The following ESRRG variants were observed in gnomAD, a reference collection of about 807,000 sequenced individuals.
ESRRG encodes estrogen-related receptor gamma.
A neutral mutation model predicts 44.0 loss-of-function variants in ESRRG; 13 were observed. That is an observed-to-expected ratio of 0.30 (90% CI 0.19 to 0.47). The LOEUF (loss-of-function observed/expected upper bound fraction) is 0.47, where lower values mean the gene tolerates loss of function less well. ESRRG is among the 20% of genes least tolerant of loss of function. The probability of loss-of-function intolerance (pLI) is 1.00; values close to 1 mark genes in which losing one functional copy is unlikely to be tolerated. For synonymous variants in ESRRG, 215 were observed against 214.6 expected, an observed-to-expected ratio of 1.00 and a Z score of -0.02; for missense variants, 395 against 580.6, an observed-to-expected ratio of 0.68 and a Z score of 3.29.
chr1:216,908,292 C>T (rs1370731824), intron 2 of ESRRG, among the ~76,000 whole-genome samples: 1 of 152,166 alleles, frequency 6.6e-6, no homozygotes, highest in Non-Finnish European at 1.5e-5. Flanking sequence ...CAGCACTCTG[C>T]ATGGACTTTG....
chr1:217,064,188 AGGTATATATTGTATG>A (rs2089192876), intron 1 of ESRRG, among the ~76,000 whole-genome samples: 1 of 102,978 alleles, frequency 9.7e-6, no homozygotes, highest in Admixed American at 9.3e-5. Flanking sequence ...GTATGTATAT[AGGTATATATTGTATG>A]TGTATATATG....
chr1:216,802,426 A>T (rs1290181643), intron 2 of ESRRG, among the ~76,000 whole-genome samples: 1 of 152,158 alleles, frequency 6.6e-6, no homozygotes, highest in Non-Finnish European at 1.5e-5. Flanking sequence ...GCTAGCTTAA[A>T]ATATCCAATA....
At chr1:217,126,743 T>A (rs1389772091) in intron 1 of ESRRG, among the ~76,000 whole-genome samples, 1 of 152,138 alleles carries the variant, frequency 6.6e-6, no homozygotes, top group African/African-American at 2.4e-5. Flanking sequence ...GTTAAAAAAT[T>A]AGAGTGCATT....
intron 2 of ESRRG, among the ~76,000 whole-genome samples, chr1:216,877,274 T>C (rs540257826): frequency 6.3e-4 from 96 of 152,270 alleles, no homozygotes; most frequent in African/African-American, 2.3e-3. Context: ...ACTCATCTCA[T>C]GTTATATATT....
intron 2 of ESRRG, among the ~76,000 whole-genome samples, chr1:216,883,144 G>A (rs574804124): frequency 3.9e-5 from 6 of 152,172 alleles, no homozygotes; most frequent in South Asian, 4.2e-4. Context: ...TTGGGAGGCC[G>A]AGGCAGGCGT....
At chr1:217,042,473 A>AAC (rs140559927) in intron 1 of ESRRG, among the ~76,000 whole-genome samples, 6,618 of 138,804 alleles carry the variant, frequency 0.048, 216 homozygotes, top group Middle Eastern at 0.094. Context: ...TACACACACA[A>AAC]ACACACACAC....
intron 6 of ESRRG, among the ~76,000 whole-genome samples, chr1:216,508,353 A>G (rs2148726720): frequency 6.6e-6 from 1 of 152,286 alleles, no homozygotes; most frequent in African/African-American, 2.4e-5. Flanking sequence ...CCACCATATC[A>G]CTGGTGAACT....
At chr1:216,840,758 A>G (rs1447938961) in intron 2 of ESRRG, among the ~76,000 whole-genome samples, 2 of 152,140 alleles carry the variant, frequency 1.3e-5, no homozygotes, top group African/African-American at 4.8e-5. Context: ...AGAGGAAGAG[A>G]GACGTGGAAA....
chr1:217,086,937 C>T (rs886849732), intron 1 of ESRRG, among the ~76,000 whole-genome samples: 5 of 151,690 alleles, frequency 3.3e-5, no homozygotes, highest in African/African-American at 1.2e-4. Context: ...TTTTAAAAGA[C>T]TAAAGCTACT....
chr1:216,926,855 GGAATGCT>G lies in ESRRG; in HGVS notation c.-14+12720_-14+12726del, dbSNP rs545822967. Reference sequence around the variant, plus strand: ...CAAATGAGTAGCCAGAGCGCCGGGTGGAATGCTGAATGCTGAATGCTGAATGCTGAAT... The same window carrying G: ...CAAATGAGTAGCCAGAGCGCCGGGTGGAATGCTGAATGCTGAATGCTGAAT... On this transcript the variant is annotated intron_variant, in intron 2 of 7. Coordinates refer to the ESRRG transcript ENST00000359162. Among the ~76,000 whole-genome samples the G allele has an allele frequency of 3.0e-3, 462 of 152,196 alleles. 2 individuals are homozygous for G. Among genetic ancestry groups the G allele is most frequent in the African/African-American group, 1.0e-2 (414 of 41,518 alleles).
intron 2 of ESRRG, among the ~76,000 whole-genome samples, chr1:216,921,976 T>C (rs1218478528): frequency 6.6e-6 from 1 of 152,068 alleles, no homozygotes; most frequent in East Asian, 1.9e-4. Flanking sequence ...AGGGTGAAGG[T>C]TGTAATCTTT....
chr1:216,856,159 GA>G (rs552352359), intron 2 of ESRRG, among the ~76,000 whole-genome samples: 131 of 142,064 alleles, frequency 9.2e-4, no homozygotes, highest in Middle Eastern at 3.6e-3. Flanking sequence ...TGTTTCTTGT[GA>G]AAAAAAAAAA....
intron 3 of ESRRG, among the ~76,000 whole-genome samples, chr1:216,632,160 T>C (rs760968932): frequency 3.9e-5 from 6 of 152,222 alleles, no homozygotes; most frequent in Admixed American, 3.3e-4. Flanking sequence ...TATTAAACTA[T>C]ATATCAAAAC....
intron 2 of ESRRG, among the ~76,000 whole-genome samples, chr1:216,882,213 C>G (rs1331278226): frequency 6.6e-6 from 1 of 152,082 alleles, no homozygotes; most frequent in Admixed American, 6.6e-5. Flanking sequence ...TAGCCAGGAC[C>G]TTGAGCTATA....
chr1:217,081,024 C>T (rs1484713003), intron 1 of ESRRG, among the ~76,000 whole-genome samples: 1 of 151,798 alleles, frequency 6.6e-6, no homozygotes. Flanking sequence ...TTTTGTTGAT[C>T]ATTATCTTAT....
intron 3 of ESRRG, among the ~76,000 whole-genome samples, chr1:216,640,861 GA>G (rs1268275825): frequency 6.6e-6 from 1 of 152,102 alleles, no homozygotes; most frequent in African/African-American, 2.4e-5. Flanking sequence ...GGCTGGTGGG[GA>G]AAAAATCCAC....
At chr1:217,029,517 T>C (rs938720069) in intron 1 of ESRRG, among the ~76,000 whole-genome samples, 20 of 152,330 alleles carry the variant, frequency 1.3e-4, no homozygotes, top group Non-Finnish European at 4.4e-5. Flanking sequence ...TGTCATAAAG[T>C]TAATTTTCTA....
intron 2 of ESRRG, among the ~76,000 whole-genome samples, chr1:216,857,722 A>T (rs60777725): frequency 3.4e-4 from 23 of 66,690 alleles, no homozygotes; most frequent in South Asian, 1.4e-3. Flanking sequence ...AGCCAGATTT[A>T]AAAAAAAAAA....
At chr1:216,884,595 T>C (rs1300878099) in intron 2 of ESRRG, among the ~76,000 whole-genome samples, 1 of 152,152 alleles carries the variant, frequency 6.6e-6, no homozygotes. Context: ...AATCTTTGCT[T>C]TGGGCATTCT....
Sources: gnomAD v4.1 joint callset for allele counts (sites outside exome capture counted in the v4.1 genomes callset) on GRCh38, gnomAD v4.1.1 for gene constraint, MANE v1.5 for transcripts, NCBI Gene and HGNC (gene_info 2026-07-23, HGNC 2026-07-21) for gene names.